The following PIEZO1 variants were observed in gnomAD, a reference collection of about 807,000 sequenced individuals.
PIEZO1 encodes piezo-type mechanosensitive ion channel component 1.
PIEZO1 carries 296 observed loss-of-function variants against 297.2 expected under a neutral mutation model. That is an observed-to-expected ratio of 1.00 (90% confidence interval 0.91 to 1.10). The LOEUF is 1.10. Among genes scored for constraint, PIEZO1 ranks in the 50% least tolerant of loss-of-function variants. The pLI is 0.00. For missense variants in PIEZO1, 5,018 were observed against 3,455.5 expected (o/e 1.45, Z -11.34); for synonymous variants, 2,427 against 1,507.5 (o/e 1.61, Z -14.13).
chr16:88,778,326 G>A (rs1438745462), intron 1 of PIEZO1, among the ~76,000 whole-genome samples: 1 of 152,164 alleles, frequency 6.6e-6, no homozygotes, highest in Non-Finnish European at 1.5e-5. Flanking sequence ...GGCGGCTGCT[G>A]TCCCTCTTTA....
In PIEZO1 at chr16:88,735,139, G is replaced by A; in HGVS notation, c.1665C>T (p.Asp555=). The A allele has an allele frequency of 4.5e-6, 7 of 1,550,186 alleles. No individual in the cohort carries two copies. Among genetic ancestry groups the A allele is most frequent in the Non-Finnish European group, 6.1e-6 (7 of 1,146,780 alleles). The change falls in exon 13 of 51, where the codon GAC becomes GAT. Residue 555 remains aspartate (D), a synonymous_variant. Transcript: ENST00000301015. ...CGCCTCTGGCCCACCACTCACCTGT[G>A]TCTGCCACGGTGACCTCCGTCAGCG... ...PAALTEVTVA[D]TEPTRTQTLL...
At chr16:88,773,146 T>A (rs1286710266) in intron 1 of PIEZO1, among the ~76,000 whole-genome samples, 2 of 152,218 alleles carry the variant, frequency 1.3e-5, no homozygotes, top group Non-Finnish European at 2.9e-5. Flanking sequence ...CAGGTCCACG[T>A]GCCTCCTTCC....
chr16:88,732,206 G>T (rs1904897562), intron 21 of PIEZO1, 129 bp downstream of exon 21: 4 of 755,094 alleles, frequency 5.3e-6, no homozygotes, highest in Non-Finnish European at 8.7e-6. Flanking sequence ...GCCTGGCCCT[G>T]AGTCCCCCAC....
At chr16:88,768,726 G>C (rs1173265792) in intron 1 of PIEZO1, among the ~76,000 whole-genome samples, 1 of 152,196 alleles carries the variant, frequency 6.6e-6, no homozygotes, top group Non-Finnish European at 1.5e-5. Context: ...GGGGCTGGCT[G>C]ACCGTCCCCA....
chr16:88,732,228 C>T (rs1904899955), intron 21 of PIEZO1, 107 bp downstream of exon 21: 1 of 981,742 alleles, frequency 1.0e-6, no homozygotes. Flanking sequence ...CTCTGTGGCC[C>T]AGGCAAACCC....
Position 88,721,226 on chromosome 16 carries a change from T to A in PIEZO1, c.5608A>T (p.Ser1870Cys). The change falls in exon 39 of 51, where the codon AGT becomes TGT. Residue 1870 changes from serine (S) to cysteine (C), a missense_variant. Ser to Cys is a moderately radical substitution (Grantham distance 112). Coordinates refer to ENST00000301015, the MANE Select transcript of PIEZO1 (RefSeq NM_001142864.4). ...ELRPRDTRRI[S>C]LRFRRRKKEG... ...TTCTTCCTTCTTCTAAAACGTAGAC[T>A]GATGCGCCTCGTATCACGGGGCCTG... 6.5e-7 allele frequency: 1 copy of A among 1,538,776 alleles called. No homozygotes were observed. The highest frequency in any genetic ancestry group is 8.7e-7 in the Non-Finnish European group (1 of 1,145,184).
At chr16:88,766,043 G>A (rs1031017730) in intron 1 of PIEZO1, among the ~76,000 whole-genome samples, 1 of 152,224 alleles carries the variant, frequency 6.6e-6, no homozygotes, top group Non-Finnish European at 1.5e-5. Flanking sequence ...GCGAGTCAGC[G>A]CACGGCTGTG....
Position 88,746,828 on chromosome 16 carries a change from G to A in PIEZO1, c.160+2556C>T, listed in dbSNP as rs967585851. Among the ~76,000 whole-genome samples the A allele has an allele frequency of 5.3e-5, 8 of 152,166 alleles. No individual in the cohort carries two copies. In the East Asian group the frequency reaches 1.2e-3, roughly 22 times the overall value. On this transcript the variant is annotated intron_variant, in intron 2 of 50. Transcript: ENST00000301015. ...ATTAAAGGAAAGTGTTTCCAATTGCGCCCTGGGCATGAAATATTTACGGAA... is the reference window on the plus strand; with the variant it reads ...ATTAAAGGAAAGTGTTTCCAATTGCACCCTGGGCATGAAATATTTACGGAA...
chr16:88,776,292 A>G (rs2911460), intron 1 of PIEZO1, among the ~76,000 whole-genome samples: 100,841 of 151,966 alleles, frequency 0.66, 33,624 homozygotes, highest in Middle Eastern at 0.79. Context: ...AAATTAGCGG[A>G]GTGTGGTGGT....
At chr16:88,723,839 G>T (rs1319345129) in intron 31 of PIEZO1, 32 bp downstream of exon 31, 5 of 1,142,812 alleles carry the variant, frequency 4.4e-6, no homozygotes, top group Admixed American at 2.0e-5. Flanking sequence ...CTCTGTGGTT[G>T]GAGTGGGGCC....
rs956500433 is a variant in PIEZO1, at chr16:88,734,349, G to C, written c.2180+7C>G. 6.6e-7 allele frequency: 1 copy of C among 1,515,342 alleles called. No individual in the cohort carries two copies. The highest frequency in any genetic ancestry group is 8.9e-7 in the Non-Finnish European group (1 of 1,128,210). 93.9% of individuals were successfully genotyped at this position (1,515,342 alleles called of 1,614,324 possible). A position where few individuals can be genotyped will look rare whatever the true frequency, so the allele number is the denominator to read the frequency against. ...TCCAGGGCCGGACAGGGAGGGCGGG[G>C]CCGCACCTGTGAGCCCAGCGCGGGA... On this transcript the variant is annotated splice_region_variant and intron_variant, in intron 16 of 50. Transcript: ENST00000301015.
intron 1 of PIEZO1, among the ~76,000 whole-genome samples, chr16:88,779,341 G>T (rs560098939): frequency 1.2e-4 from 18 of 152,154 alleles, no homozygotes; most frequent in Non-Finnish European, 2.4e-4. Flanking sequence ...GCCCGGCAAG[G>T]GATCCCATTT....
chr16:88,725,860 G>A (rs1171044646), intron 27 of PIEZO1, 176 bp from the exon 28 acceptor site: 21 of 606,290 alleles, frequency 3.5e-5, no homozygotes, highest in Admixed American at 1.2e-4. Flanking sequence ...TGTCTGCGGC[G>A]AGGACAGGCC....
At chr16:88,731,576 G>A in intron 22 of PIEZO1, 130 bp downstream of exon 22, 1 of 676,494 alleles carries the variant, frequency 1.5e-6, no homozygotes, top group Non-Finnish European at 2.6e-6. Context: ...GTGGAGCAGA[G>A]AGGAGGGACT....
chr16:88,750,266 G>A (rs931131048), intron 1 of PIEZO1, among the ~76,000 whole-genome samples: 3 of 152,074 alleles, frequency 2.0e-5, no homozygotes, highest in African/African-American at 7.2e-5. Flanking sequence ...AACCCGGGAG[G>A]TGGAGGTTGC....
intron 1 of PIEZO1, among the ~76,000 whole-genome samples, chr16:88,757,319 C>CGGGGGGG (rs1221139366): frequency 2.0e-4 from 2 of 10,200 alleles, no homozygotes; most frequent in Non-Finnish European, 1.9e-4. Context: ...GCGTTGCTGG[C>CGGGGGGG]GGGGGGGTGG....
rs1213562789 is a variant in PIEZO1 at position 88,723,080 on chromosome 16, C to T, written c.4495+15G>A. ...CAAGAGAGACCTCCCACTCCCCAGC[C>T]CCGGGCCCACGTACCTGCCGCTGCC... On this transcript the variant is annotated intron_variant, in intron 33 of 50. Coordinates refer to ENST00000301015, the MANE Select transcript of PIEZO1 (RefSeq NM_001142864.4). 5.8e-6 allele frequency: 9 copies of T among 1,546,876 alleles called. No homozygotes were observed. In the East Asian group the frequency reaches 1.2e-4, roughly 21 times the overall value.
At chr16:88,773,670 G>T (rs1438475804) in intron 1 of PIEZO1, among the ~76,000 whole-genome samples, 1 of 150,808 alleles carries the variant, frequency 6.6e-6, no homozygotes, top group African/African-American at 2.5e-5. Flanking sequence ...GGAGTGGACA[G>T]CAGCTGCCTA....
In PIEZO1 at chr16:88,728,462, C is replaced by T. The variant is rs1230524212; in HGVS notation, c.3197-801G>A. Among the ~76,000 whole-genome samples the T allele has an allele frequency of 2.0e-3, 288 of 145,182 alleles. 2 individuals are homozygous for T. Among genetic ancestry groups the T allele is most frequent in the Non-Finnish European group, 5.6e-4 (37 of 65,716 alleles). ...CCCATCTGCCACAGAGGGAACCTCG[C>T]GACCCAAAAGCAAAGTGACCCTCGA... On this transcript the variant is annotated intron_variant, in intron 22 of 50. Transcript: ENST00000301015.
Sources: allele counts gnomAD v4.1 joint callset (sites outside exome capture counted in the v4.1 genomes callset), GRCh38; gene constraint gnomAD v4.1.1; transcripts MANE v1.5; gene names NCBI Gene and HGNC (gene_info 2026-07-23, HGNC 2026-07-21).